COL5A1: variants seen among roughly 807,000 people sequenced by gnomAD.
The protein encoded by COL5A1 is collagen alpha-1(V) chain.
COL5A1 carries 16 observed loss-of-function variants against 263.7 expected under a neutral mutation model. The ratio of observed to expected loss-of-function variants is 0.06; its 90% confidence interval spans 0.04 to 0.09. The LOEUF (loss-of-function observed/expected upper bound fraction) is 0.09. Among genes scored for constraint, COL5A1 ranks in the 10% least tolerant of loss-of-function variants. The pLI, the probability that COL5A1 is intolerant of heterozygous loss-of-function variation, is 1.00. For synonymous variants in COL5A1, 1,012 were observed against 1,004.5 expected, an observed-to-expected ratio of 1.01 and a Z score of -0.14; for missense variants, 2,036 against 2,540.5, an observed-to-expected ratio of 0.80 and a Z score of 4.27.
intron 11 of COL5A1, among the ~76,000 whole-genome samples, chr9:134,739,694 A>G (rs750595176): frequency 6.6e-6 from 1 of 152,038 alleles, no homozygotes; most frequent in African/African-American, 2.4e-5. Context: ...AGTGCTCAGG[A>G]AAGGCGGGCC....
chr9:134,771,732 C>T (rs1050684222), intron 25 of COL5A1, among the ~76,000 whole-genome samples: 1 of 152,124 alleles, frequency 6.6e-6, no homozygotes, highest in African/African-American at 2.4e-5. Flanking sequence ...CCTGAGGAAG[C>T]GGGAGGCCCA....
At chr9:134,679,732 G>A (rs1588430178) in intron 1 of COL5A1, among the ~76,000 whole-genome samples, 3 of 133,136 alleles carry the variant, frequency 2.3e-5, no homozygotes, top group South Asian at 2.6e-4. Context: ...ACGGGGCACT[G>A]TGGGGCTTCT....
chr9:134,773,989 C>G (rs1836961108), intron 26 of COL5A1, among the ~76,000 whole-genome samples: 1 of 152,212 alleles, frequency 6.6e-6, no homozygotes, highest in South Asian at 2.1e-4. Flanking sequence ...CTCTTATCAT[C>G]AGAGGTGGAG....
intron 65 of COL5A1, among the ~76,000 whole-genome samples, chr9:134,836,440 C>T (rs1048403323): frequency 2.6e-5 from 4 of 152,230 alleles, no homozygotes; most frequent in African/African-American, 9.6e-5. Flanking sequence ...ACTGGGACCA[C>T]ATTTCAACCT....
intron 1 of COL5A1, among the ~76,000 whole-genome samples, chr9:134,654,515 A>G (rs1463301231): frequency 6.6e-4 from 18 of 27,232 alleles, no homozygotes; most frequent in Middle Eastern, 0.031. Flanking sequence ...GTAGGGCTGG[A>G]GGTGTGCAGG....
At chr9:134,740,779 G>A (rs1029612411) in intron 11 of COL5A1, among the ~76,000 whole-genome samples, 5 of 152,284 alleles carry the variant, frequency 3.3e-5, no homozygotes, top group African/African-American at 7.2e-5. Flanking sequence ...TTGTGACACC[G>A]TGACCTACCC....
chr9:134,710,013 G>A (rs1466093425), intron 4 of COL5A1, among the ~76,000 whole-genome samples: 1 of 152,170 alleles, frequency 6.6e-6, no homozygotes. Context: ...GGGCGAGGGG[G>A]CCCACGAACG....
Position 134,727,367 on chromosome 9 carries a change from A to C in COL5A1, c.756A>C (p.Pro252=), listed in dbSNP as rs1030582099. ...PDCDTAVPDT[P]QSQDPNPDEY... Reference sequence around the variant, plus strand: ...GTGACACCGCAGTACCTGACACCCCACAGTCGCAGGACCCCAATCCAGATG... The same window carrying C: ...GTGACACCGCAGTACCTGACACCCCCCAGTCGCAGGACCCCAATCCAGATG... Residue 252 remains proline, a synonymous_variant, in exon 5 of 66, where the codon CCA becomes CCC. Transcript: ENST00000371817. 1.2e-5 allele frequency: 19 copies of C among 1,614,144 alleles called. No homozygotes were observed. Among genetic ancestry groups the C allele is most frequent in the Non-Finnish European group, 1.5e-5 (18 of 1,180,010 alleles).
intron 4 of COL5A1, among the ~76,000 whole-genome samples, chr9:134,722,523 G>T (rs1163132455): frequency 2.0e-5 from 3 of 152,200 alleles, no homozygotes; most frequent in Non-Finnish European, 4.4e-5. Flanking sequence ...AGGAGCTTGG[G>T]GCTTCCGGGG....
intron 65 of COL5A1, among the ~76,000 whole-genome samples, chr9:134,838,365 G>C (rs1839915275): frequency 6.6e-6 from 1 of 152,218 alleles, no homozygotes; most frequent in South Asian, 2.1e-4. Context: ...GGAGCGCAGA[G>C]GGTTCACCTG....
intron 4 of COL5A1, among the ~76,000 whole-genome samples, chr9:134,717,847 G>A (rs1046553729): frequency 6.6e-6 from 1 of 152,194 alleles, no homozygotes; most frequent in Non-Finnish European, 1.5e-5. Context: ...ACCCTGTTTC[G>A]GTTGGACGAG....
Position 134,834,218 on chromosome 9 carries a change from C to T in COL5A1, c.5137-753C>T, listed in dbSNP as rs538036340. ...CCTCTACTCAGGGGAAACCAGGGCTCGCCTGCTGCTCCAGGTGCCCCGACC... is the reference window on the plus strand; with the variant it reads ...CCTCTACTCAGGGGAAACCAGGGCTTGCCTGCTGCTCCAGGTGCCCCGACC... On this transcript the variant is annotated intron_variant, in intron 64 of 65. Transcript: ENST00000371817. 2.8e-4 allele frequency among the ~76,000 whole-genome samples: 42 copies of T among 152,298 alleles called. 1 individual carries two copies. The highest frequency in any genetic ancestry group is 7.8e-4 in the Admixed American group (12 of 15,308).
At chr9:134,698,739 G>A (rs1034328194) in intron 2 of COL5A1, among the ~76,000 whole-genome samples, 1 of 152,256 alleles carries the variant, frequency 6.6e-6, no homozygotes, top group African/African-American at 2.4e-5. Context: ...CGCTGCTGCC[G>A]CAGATCCAGA....
At chr9:134,651,499 C>G (rs1288288122) in intron 1 of COL5A1, among the ~76,000 whole-genome samples, 3 of 151,898 alleles carry the variant, frequency 2.0e-5, no homozygotes, top group Non-Finnish European at 4.4e-5. Flanking sequence ...AGAGTGAGAC[C>G]CTGTCTAAAA....
chr9:134,798,729 G>T (rs1346597454), intron 37 of COL5A1, among the ~76,000 whole-genome samples: 2 of 152,264 alleles, frequency 1.3e-5, no homozygotes, highest in South Asian at 4.1e-4. Flanking sequence ...GGCTGGTTTT[G>T]GAAACTTTGG....
At chr9:134,823,562 G>A in intron 61 of COL5A1, 93 bp downstream of exon 61, 2 of 1,344,430 alleles carry the variant, frequency 1.5e-6, no homozygotes, top group Non-Finnish European at 2.1e-6. Context: ...GACCCCTCCT[G>A]AGACTCATGA....
At chr9:134,792,438 C>T (rs920959285) in intron 32 of COL5A1, among the ~76,000 whole-genome samples, 3 of 152,030 alleles carry the variant, frequency 2.0e-5, no homozygotes, top group Admixed American at 6.5e-5. Context: ...TGCAGTGGTG[C>T]GATCTCAGCT....
At chr9:134,762,202 A>G (rs1210427581) in intron 19 of COL5A1, among the ~76,000 whole-genome samples, 1 of 152,216 alleles carries the variant, frequency 6.6e-6, no homozygotes, top group Non-Finnish European at 1.5e-5. Context: ...TAGTTACTCC[A>G]TCGGTCCTGC....
intron 1 of COL5A1, among the ~76,000 whole-genome samples, chr9:134,688,119 G>A (rs943729670): frequency 2.0e-5 from 3 of 152,220 alleles, no homozygotes; most frequent in Admixed American, 2.0e-4. Context: ...TGGCCAGCAG[G>A]AGGGGTGGCA....
Sources: gnomAD v4.1 joint callset for allele counts (sites outside exome capture counted in the v4.1 genomes callset) on GRCh38, gnomAD v4.1.1 for gene constraint, MANE v1.5 for transcripts, NCBI Gene and HGNC (gene_info 2026-07-23, HGNC 2026-07-21) for gene names.